Variants in TMBIM4 observed in about 807,000 individuals in gnomAD.
The protein encoded by TMBIM4 is protein lifeguard 4.
Under a neutral mutation model 27.7 loss-of-function variants are expected in TMBIM4, and 28 were observed. The ratio of observed to expected loss-of-function variants is 1.01; its 90% CI spans 0.75 to 1.38. The LOEUF (loss-of-function observed/expected upper bound fraction) is 1.38. Ranked by LOEUF, TMBIM4 falls within the 40% of genes most tolerant of loss-of-function variation. The pLI is 0.00. For synonymous variants in TMBIM4, 115 were observed against 113.1 expected (o/e 1.02, Z -0.11); for missense variants, 265 against 277.5 (o/e 0.95, Z 0.32).
chr12:66,139,789 CAAT>C, intron 5 of TMBIM4: 1 of 455,828 alleles, frequency 2.2e-6, no homozygotes, highest in Non-Finnish European at 4.4e-6. Flanking sequence ...GAAAGAACCA[CAAT>C]AGAGAAGCAG....
intron 1 of TMBIM4, among the ~76,000 whole-genome samples, chr12:66,157,513 T>C (rs992156738): frequency 2.2e-4 from 33 of 152,156 alleles, no homozygotes; most frequent in African/African-American, 7.7e-4. Context: ...TTAGGGTAAT[T>C]TGTGACACAA....
In TMBIM4 at chr12:66,136,460, G is replaced by A. The variant is rs1180401639; in HGVS notation, c.*1500C>T. The A allele has an allele frequency of 1.3e-5, 2 of 154,260 alleles. No individual in the cohort carries two copies. The highest frequency in any genetic ancestry group is 4.8e-5 in the African/African-American group (2 of 41,496). The allele number at this position is 154,260 out of a possible 1,614,324, so 9.6% of individuals were successfully genotyped here. On this transcript the variant is annotated 3_prime_UTR_variant, in exon 7 of 7. Transcript: ENST00000358230. Reference sequence around the variant, plus strand: ...AACTTAATAGCTGGGAAATACTTAGGGGGTGTTATGGGCTGAGTTGTAGTC... The same window carrying A: ...AACTTAATAGCTGGGAAATACTTAGAGGGTGTTATGGGCTGAGTTGTAGTC...
intron 3 of TMBIM4, among the ~76,000 whole-genome samples, chr12:66,150,220 C>T (rs992626727): frequency 6.6e-6 from 1 of 152,018 alleles, no homozygotes; most frequent in South Asian, 2.1e-4. Flanking sequence ...TCTATATGGC[C>T]GTCTTTTTTT....
intron 3 of TMBIM4, among the ~76,000 whole-genome samples, chr12:66,150,687 A>C (rs2051831089): frequency 6.6e-6 from 1 of 152,164 alleles, no homozygotes; most frequent in Admixed American, 6.5e-5. Flanking sequence ...TGCGGGGATC[A>C]CACAGGCGTG....
intron 1 of TMBIM4, chr12:66,169,374 C>T (rs978515955): frequency 1.6e-6 from 1 of 633,126 alleles, no homozygotes; most frequent in South Asian, 1.7e-5. Flanking sequence ...GAAATAGTGC[C>T]GTCAGGGAGC....
chr12:66,150,133 A>C (rs117368235), intron 3 of TMBIM4, among the ~76,000 whole-genome samples: 2,030 of 152,330 alleles, frequency 0.013, 17 homozygotes, highest in Admixed American at 0.021. Flanking sequence ...CTGCTGGGCA[A>C]AAGTTGAACC....
At position 66,169,852 on chromosome 12, in the gene TMBIM4, T is replaced by A; in HGVS notation, c.97+3A>T. On this transcript the variant is annotated splice_donor_region_variant and intron_variant, in intron 1 of 6. Transcript: ENST00000358230. Reference sequence around the variant, plus strand: ...GGGAGGCACTGGAGAGGGGACAACGTACCCATTCGGATGTGCACGGTGGCG... The same window carrying A: ...GGGAGGCACTGGAGAGGGGACAACGAACCCATTCGGATGTGCACGGTGGCG... 6.6e-7 allele frequency: 1 copy of A among 1,512,942 alleles called. No individual in the cohort carries two copies. Among genetic ancestry groups the A allele is most frequent in the Non-Finnish European group, 8.8e-7 (1 of 1,130,714 alleles). 93.7% of individuals were successfully genotyped at this position (1,512,942 alleles called of 1,614,324 possible). A position where few individuals can be genotyped will look rare whatever the true frequency, so the allele number is the denominator to read the frequency against.
chr12:66,143,910 T>G (rs1431291610), intron 5 of TMBIM4, among the ~76,000 whole-genome samples: 1 of 152,172 alleles, frequency 6.6e-6, no homozygotes, highest in Admixed American at 6.5e-5. Flanking sequence ...TGCAATAAAG[T>G]GCTACTCTTA....
At chr12:66,143,276 C>T (rs1479694015) in intron 5 of TMBIM4, among the ~76,000 whole-genome samples, 1 of 152,166 alleles carries the variant, frequency 6.6e-6, no homozygotes, top group South Asian at 2.1e-4. Flanking sequence ...ATACCATGGA[C>T]ATAGTGCTGA....
rs1036495581 is a variant in TMBIM4, at chr12:66,136,532, G to A, written c.*1428C>T. The stretch of plus-strand genomic sequence containing the variant: ...AATCCTAATCCCAGCACTTCAGAAT[G>A]TGACTGTATTTGGAGATAGGTTTTG... On this transcript the variant is annotated 3_prime_UTR_variant, in exon 7 of 7. Transcript: ENST00000358230. 1.3e-5 allele frequency: 2 copies of A among 153,914 alleles called. No homozygotes were observed. Among genetic ancestry groups the A allele is most frequent in the African/African-American group, 2.4e-5 (1 of 41,516 alleles). The allele number at this position is 153,914 out of a possible 1,614,324, so 9.5% of individuals were successfully genotyped here.
At chr12:66,152,398 G>A in intron 2 of TMBIM4, 22 bp from the exon 3 acceptor site, 1 of 1,513,172 alleles carries the variant, frequency 6.6e-7, no homozygotes, top group Non-Finnish European at 9.1e-7. Context: ...AATATTAAGT[G>A]TTTCAAGTTA....
At chr12:66,153,595 C>T in intron 1 of TMBIM4, 147 bp from the exon 2 acceptor site, 1 of 448,708 alleles carries the variant, frequency 2.2e-6, no homozygotes. Context: ...TAAAACTAGA[C>T]AAGAATACAA....
intron 3 of TMBIM4, 110 bp downstream of exon 3, chr12:66,152,161 A>T (rs1361133032): frequency 2.1e-6 from 1 of 472,470 alleles, no homozygotes; most frequent in Non-Finnish European, 3.4e-6. Flanking sequence ...AAAGTACTCT[A>T]AAAAAAACTC....
In TMBIM4 at chr12:66,140,572, G is replaced by C. The variant is rs148858786; in HGVS notation, c.465-1803C>G. On this transcript the variant is annotated intron_variant, in intron 5 of 6. Coordinates refer to ENST00000358230, the MANE Select transcript of TMBIM4 (RefSeq NM_016056.4). ...CTCAAGCAAAGGAGAAAGAAGGGGA[G>C]ACAGATAAATGTTTGAAGAAATAAT... is the stretch of plus-strand genomic sequence containing the variant. Among the ~76,000 whole-genome samples the C allele has an allele frequency of 4.2e-3, 646 of 152,190 alleles. 9 individuals are homozygous for C. The highest frequency in any genetic ancestry group is 4.6e-3 in the Non-Finnish European group (312 of 68,008).
chr12:66,154,988 G>C (rs2136869094), intron 1 of TMBIM4, among the ~76,000 whole-genome samples: 1 of 152,244 alleles, frequency 6.6e-6, no homozygotes, highest in Non-Finnish European at 1.5e-5. Flanking sequence ...TTTTGGCTTA[G>C]AGATAAACAG....
intron 2 of TMBIM4, among the ~76,000 whole-genome samples, chr12:66,152,577 G>C (rs1267410321): frequency 6.6e-6 from 1 of 151,934 alleles, no homozygotes; most frequent in Admixed American, 6.6e-5. Flanking sequence ...TCAAGACAAA[G>C]AAAAGAGCCC....
At chr12:66,145,575 C>T (rs2051737243) in intron 5 of TMBIM4, among the ~76,000 whole-genome samples, 1 of 151,534 alleles carries the variant, frequency 6.6e-6, no homozygotes, top group South Asian at 2.1e-4. Context: ...ATAAAGCATA[C>T]AAGCTTAAAC....
rs1278604366 is a variant in TMBIM4 at position 66,138,891 on chromosome 12, G to GT, written c.465-123dup. The GT allele has an allele frequency of 1.5e-4, 194 of 1,280,830 alleles. No individual in the cohort carries two copies. In the African/African-American group the frequency reaches 2.7e-3, roughly 18 times the overall value. The allele number at this position is 1,280,830 out of a possible 1,614,324, so 79.3% of individuals were successfully genotyped here. The stretch of plus-strand genomic sequence containing the variant: ...TTTTTTGCTGAAGAATAACTAAAAT[G>GT]TAAGAATTTGTAAACATACAATGAA... On this transcript the variant is annotated intron_variant, in intron 5 of 6. Coordinates refer to ENST00000358230, the MANE Select transcript of TMBIM4 (RefSeq NM_016056.4).
intron 5 of TMBIM4, among the ~76,000 whole-genome samples, chr12:66,141,805 A>C (rs2051673319): frequency 6.6e-6 from 1 of 152,192 alleles, no homozygotes; most frequent in African/African-American, 2.4e-5. Flanking sequence ...ATGTTTCTGC[A>C]TCTAAAAATG....
Sources: allele counts gnomAD v4.1 joint callset (sites outside exome capture counted in the v4.1 genomes callset), GRCh38; gene constraint gnomAD v4.1.1; transcripts MANE v1.5; gene names NCBI Gene and HGNC (gene_info 2026-07-23, HGNC 2026-07-21).